Variants in CDC14B observed in about 807,000 individuals in gnomAD.
CDC14B encodes the protein dual specificity protein phosphatase CDC14B.
In CDC14B, 22 loss-of-function variants were observed where a neutral mutation model predicts 64.2. The ratio of observed to expected loss-of-function variants is 0.34; its 90% confidence interval spans 0.24 to 0.49. CDC14B has a LOEUF of 0.49. Ranked by LOEUF, CDC14B falls within the 20% of genes least tolerant of loss-of-function variation. The probability of loss-of-function intolerance (pLI) is 0.99; values close to 1 mark genes in which losing one functional copy is unlikely to be tolerated. For missense variants in CDC14B, 498 were observed against 629.9 expected (o/e 0.79, Z 2.24); for synonymous variants, 191 against 215.8 (o/e 0.89, Z 1.01).
chr9:96,517,202 C>T (rs910612852), intron 12 of CDC14B, among the ~76,000 whole-genome samples: 105 of 149,420 alleles, frequency 7.0e-4, no homozygotes, highest in African/African-American at 2.3e-3. Flanking sequence ...ATTAGCCAGA[C>T]GTGGTGGCAT....
Position 96,509,639 on chromosome 9 carries a change from G to A in CDC14B, c.1460+34C>T, listed in dbSNP as rs755806069. ...ATATTAAACTGGAAAACAAACGCTT[G>A]CAACTTTTCAGAAGAGTAGGATTCT... is the stretch of plus-strand genomic sequence containing the variant. On this transcript the variant is annotated intron_variant, in intron 13 of 13. Transcript: ENST00000375241. 13 of 1,321,580 alleles carry A rather than the reference G, an allele frequency of 9.8e-6. No homozygotes were observed. The South Asian group carries it at 1.4e-4, about 14-fold the overall frequency. The allele number at this position is 1,321,580 out of a possible 1,614,324, so 81.9% of individuals were successfully genotyped here.
At chr9:96,491,693 T>C (rs1833099777) in exon 14 of CDC14B, 1 of 152,204 alleles carries the variant, frequency 6.6e-6, no homozygotes. Context: ...GAAGAAACTT[T>C]CCTTTAGTGT....
At chr9:96,519,234 C>T (rs569420505) in intron 12 of CDC14B, among the ~76,000 whole-genome samples, 3 of 152,276 alleles carry the variant, frequency 2.0e-5, no homozygotes, top group South Asian at 2.1e-4. Context: ...GTATGCAGAA[C>T]GACAGGCCTC....
chr9:96,608,984 T>C (rs1847144122), intron 1 of CDC14B, among the ~76,000 whole-genome samples: 1 of 152,016 alleles, frequency 6.6e-6, no homozygotes, highest in Admixed American at 6.6e-5. Context: ...CATATATATA[T>C]ATTTTTGAGA....
At position 96,502,275 on chromosome 9, in the gene CDC14B, A is replaced by T. The variant is rs1833621407; in HGVS notation, c.*1478T>A. 1 of 152,222 alleles carries T rather than the reference A, an allele frequency of 6.6e-6. No individual in the cohort carries two copies. Among genetic ancestry groups the T allele is most frequent in the Admixed American group, 6.5e-5 (1 of 15,278 alleles). The allele number at this position is 152,222 out of a possible 1,614,324, so 9.4% of individuals were successfully genotyped here. Reference sequence around the variant, plus strand: ...GTCTCTCATGATGCCGGTCAATTTTATACTTTCTTCCAAGAAAGTACACCA... The same window carrying T: ...GTCTCTCATGATGCCGGTCAATTTTTTACTTTCTTCCAAGAAAGTACACCA... On this transcript the variant is annotated 3_prime_UTR_variant, in exon 14 of 14. Coordinates refer to ENST00000375241, the MANE Select transcript of CDC14B (RefSeq NM_033331.4).
intron 1 of CDC14B, among the ~76,000 whole-genome samples, chr9:96,606,804 G>C (rs1234346154): frequency 1.3e-5 from 2 of 152,078 alleles, no homozygotes; most frequent in African/African-American, 4.8e-5. Context: ...GATCTCAGAT[G>C]ATTTGCCTGC....
intron 1 of CDC14B, among the ~76,000 whole-genome samples, chr9:96,596,286 C>T (rs1426640849): frequency 4.1e-5 from 6 of 147,704 alleles, no homozygotes; most frequent in East Asian, 4.1e-4. Flanking sequence ...TGCTTGAACC[C>T]GGGAGGCAGA....
At chr9:96,597,310 A>G (rs1244512167) in intron 1 of CDC14B, among the ~76,000 whole-genome samples, 1 of 152,074 alleles carries the variant, frequency 6.6e-6, no homozygotes, top group South Asian at 2.1e-4. Context: ...CCTGGCCAAC[A>G]TGGTGAAACC....
intron 13 of CDC14B, among the ~76,000 whole-genome samples, chr9:96,506,280 G>A (rs903085581): frequency 6.6e-5 from 10 of 152,022 alleles, no homozygotes; most frequent in African/African-American, 2.2e-4. Context: ...GAATCAGACC[G>A]TGCACCAATA....
rs145265368 is a variant in CDC14B at position 96,515,436 on chromosome 9, T to C, written c.1344-5647A>G. On this transcript the variant is annotated intron_variant, in intron 12 of 13. Coordinates refer to ENST00000375241, the MANE Select transcript of CDC14B (RefSeq NM_033331.4). The surrounding 1 kb of genome is among the most constrained non-coding windows in gnomAD (Gnocchi z 4.3). ...ATAAGCATAACTTTAAAACAACGTA[T>C]GTTACTTTCAATATCCTTTCTATGA... Among the ~76,000 whole-genome samples the C allele has an allele frequency of 3.3e-5, 5 of 152,354 alleles. No individual in the cohort carries two copies. In the East Asian group the frequency reaches 9.7e-4, roughly 29 times the overall value.
At position 96,522,511 on chromosome 9, in the gene CDC14B, AG is replaced by A; in HGVS notation, c.1337del (p.Pro446LeufsTer4). On this transcript the variant is annotated frameshift_variant, in exon 12 of 14. Coordinates refer to ENST00000375241, the MANE Select transcript of CDC14B (RefSeq NM_033331.4). LOFTEE classifies it high-confidence loss of function. ...SRRQSKTNAI[P>X]LTVILQSSVQ... ...ACAAAGGAACCCAGACTCACGTGAG[AG>A]GAATAGCGTTTGTTTTGGATTGTCT... 6.2e-7 allele frequency: 1 copy of A among 1,604,586 alleles called. No homozygotes were observed. The highest frequency in any genetic ancestry group is 8.5e-7 in the Non-Finnish European group (1 of 1,171,310).
intron 13 of CDC14B, among the ~76,000 whole-genome samples, 193 bp downstream of exon 13, chr9:96,509,475 AAAAAC>A (rs1356421021): frequency 3.3e-5 from 5 of 152,236 alleles, no homozygotes; most frequent in Admixed American, 6.5e-5. Context: ...ATTACTTCTA[AAAAAC>A]AAAACAAAAG....
chr9:96,528,533 A>G (rs28815187), intron 9 of CDC14B, among the ~76,000 whole-genome samples: 3 of 147,812 alleles, frequency 2.0e-5, no homozygotes, highest in African/African-American at 8.0e-5. Flanking sequence ...AAAAAAAGAA[A>G]AAAAAAGAAG....
chr9:96,546,993 C>T (rs1288072003), intron 5 of CDC14B, among the ~76,000 whole-genome samples: 1 of 151,380 alleles, frequency 6.6e-6, no homozygotes, highest in East Asian at 2.0e-4. Context: ...ACCCAGGAGG[C>T]GGAGCTTGCC....
intron 7 of CDC14B, among the ~76,000 whole-genome samples, chr9:96,537,936 T>C (rs1839516768): frequency 6.6e-6 from 1 of 152,144 alleles, no homozygotes; most frequent in Admixed American, 6.5e-5. Context: ...CCCAGGCTGA[T>C]CTCAAACTCC....
chr9:96,558,517 G>T (rs750719133), intron 4 of CDC14B, among the ~76,000 whole-genome samples: 5 of 152,246 alleles, frequency 3.3e-5, no homozygotes, highest in Non-Finnish European at 7.4e-5. Flanking sequence ...ACACGTGCAC[G>T]TCTTGTTTCT....
intron 1 of CDC14B, among the ~76,000 whole-genome samples, chr9:96,570,681 G>A (rs1844411919): frequency 6.6e-6 from 1 of 152,214 alleles, no homozygotes; most frequent in Non-Finnish European, 1.5e-5. Flanking sequence ...CAAAGAAGCG[G>A]CAGCAGCATT....
intron 1 of CDC14B, among the ~76,000 whole-genome samples, chr9:96,572,231 T>G (rs1220531423): frequency 6.6e-6 from 1 of 152,134 alleles, no homozygotes; most frequent in Non-Finnish European, 1.5e-5. Context: ...CATAATAAAC[T>G]AGTAAGTGAG....
In CDC14B at chr9:96,534,542, T is replaced by G. The variant is rs763031666; in HGVS notation, c.628A>C (p.Lys210Gln). The change falls in exon 8 of 14, where the codon AAA (lysine) becomes CAA (glutamine). Residue 210 changes from lysine to glutamine, a missense_variant and splice_region_variant. Lys to Gln is a moderately conservative substitution (Grantham distance 53). Transcript: ENST00000375241. ...CAATTTAAATCTCCATTTTCTGCTT[T>G]CTGCAAGGGGAAGACCAGCACAATT... is the stretch of plus-strand genomic sequence containing the variant. ...FNLDEYEHYE[K>Q]AENGDLNWII... The G allele has an allele frequency of 6.2e-7, 1 of 1,606,686 alleles. No individual in the cohort carries two copies. The highest frequency in any genetic ancestry group is 8.5e-7 in the Non-Finnish European group (1 of 1,173,300).
Sources: gnomAD v4.1 joint callset for allele counts (sites outside exome capture counted in the v4.1 genomes callset) on GRCh38, gnomAD v4.1.1 for gene constraint, Gnocchi (gnomAD v3.1) non-coding constraint, MANE v1.5 for transcripts, NCBI Gene and HGNC (gene_info 2026-07-23, HGNC 2026-07-21) for gene names.